The following MCTP2 variants were observed in gnomAD, a reference collection of about 807,000 sequenced individuals.
MCTP2 encodes multiple C2 and transmembrane domain containing 2.
In MCTP2, 132 loss-of-function variants were observed where a neutral mutation model predicts 111.6. That is an observed-to-expected ratio of 1.18 (90% CI 1.03 to 1.37). The LOEUF is 1.37. MCTP2 is among the 40% of genes most tolerant of loss of function. The pLI is 0.00. For missense variants in MCTP2, 1,183 were observed against 1,067.9 expected, an observed-to-expected ratio of 1.11 and a Z score of -1.50; for synonymous variants, 395 against 387.7, an observed-to-expected ratio of 1.02 and a Z score of -0.22.
chr15:94,234,849 A>ACCT (rs1463473831), intron 1 of MCTP2, among the ~76,000 whole-genome samples: 1 of 152,168 alleles, frequency 6.6e-6, no homozygotes, highest in Non-Finnish European at 1.5e-5. Context: ...ATAGGCTTGC[A>ACCT]TAGAGATGCC....
chr15:94,476,665 T>C (rs202073995), intron 21 of MCTP2, 31 bp from the exon 22 acceptor site: 171 of 1,067,038 alleles, frequency 1.6e-4, no homozygotes, highest in South Asian at 6.1e-4. Context: ...GACAGACAGA[T>C]AAAGAGATCT....
intron 1 of MCTP2, among the ~76,000 whole-genome samples, chr15:94,280,512 T>C (rs1185550716): frequency 6.6e-6 from 1 of 151,748 alleles, no homozygotes; most frequent in East Asian, 1.9e-4. Context: ...TTTTCTTCAT[T>C]AGTCTCACTA....
intron 1 of MCTP2, among the ~76,000 whole-genome samples, chr15:94,269,992 T>G (rs769564995): frequency 6.6e-6 from 1 of 152,102 alleles, no homozygotes; most frequent in Non-Finnish European, 1.5e-5. Context: ...CCAAGCAGAA[T>G]AAAATAACAG....
intron 1 of MCTP2, among the ~76,000 whole-genome samples, chr15:94,285,584 A>G (rs1489083362): frequency 6.6e-6 from 1 of 152,192 alleles, no homozygotes. Context: ...ATTTTATTGA[A>G]TTCATTCTGG....
At chr15:94,469,247 A>C (rs79410202) in intron 20 of MCTP2, among the ~76,000 whole-genome samples, 1,668 of 152,276 alleles carry the variant, frequency 0.011, 33 homozygotes, top group African/African-American at 0.038. Flanking sequence ...GACCATTAAG[A>C]AGAAATACTC....
chr15:94,397,159 A>G (rs545806583), intron 14 of MCTP2, among the ~76,000 whole-genome samples: 1 of 152,260 alleles, frequency 6.6e-6, no homozygotes, highest in African/African-American at 2.4e-5. Flanking sequence ...TAAGTCCCAA[A>G]CATGCATGGG....
intron 17 of MCTP2, among the ~76,000 whole-genome samples, chr15:94,426,691 G>A (rs950329351): frequency 6.6e-6 from 1 of 151,690 alleles, no homozygotes; most frequent in African/African-American, 2.4e-5. Flanking sequence ...TTGATTTTTG[G>A]TCATTGTTTT....
intron 1 of MCTP2, among the ~76,000 whole-genome samples, chr15:94,257,404 T>C (rs2072848698): frequency 6.6e-6 from 1 of 151,872 alleles, no homozygotes; most frequent in African/African-American, 2.4e-5. Flanking sequence ...ATTTTGAGGG[T>C]AGATGCTAGA....
chr15:94,273,804 T>C, intron 1 of MCTP2: 1 of 210,784 alleles, frequency 4.7e-6, no homozygotes, highest in South Asian at 1.0e-4. Flanking sequence ...AAGAAATATG[T>C]CCTCTACATT....
At position 94,399,016 on chromosome 15, in the gene MCTP2, C is replaced by T. The variant is rs148280078; in HGVS notation, c.1844C>T (p.Ala615Val). ...YVLKNKDLEQ[A>V]FKGVIYLEMD... ...CTAAAGAATAAAGATTTAGAACAAG[C>T]TTTTAAAGGAGTTATTTACTTAGAG... is the stretch of plus-strand genomic sequence containing the variant. Residue 615 changes from alanine (A) to valine (V), a missense_variant, in exon 15 of 23, where the codon GCT becomes GTT. Ala to Val is a moderately conservative substitution (Grantham distance 64). Coordinates refer to ENST00000357742, the MANE Select transcript of MCTP2 (RefSeq NM_001385001.1). 7.7e-5 allele frequency: 121 copies of T among 1,565,508 alleles called. No homozygotes were observed. The highest frequency in any genetic ancestry group is 1.0e-4 in the Non-Finnish European group (117 of 1,136,232).
At chr15:94,306,375 G>C (rs1285278573) in intron 2 of MCTP2, among the ~76,000 whole-genome samples, 1 of 152,156 alleles carries the variant, frequency 6.6e-6, no homozygotes, top group East Asian at 1.9e-4. Flanking sequence ...ATGACATGGA[G>C]GTTTGGAGAA....
At chr15:94,244,087 TATGTATAC>T (rs2071454448) in intron 1 of MCTP2, among the ~76,000 whole-genome samples, 3 of 54,770 alleles carry the variant, frequency 5.5e-5, no homozygotes, top group Non-Finnish European at 1.4e-4. Flanking sequence ...TATGCACACA[TATGTATAC>T]ACATACATAT....
chr15:94,400,971 TA>T (rs970873251), intron 16 of MCTP2, among the ~76,000 whole-genome samples: 2 of 152,192 alleles, frequency 1.3e-5, no homozygotes, highest in African/African-American at 4.8e-5. Context: ...TGTCTTATTT[TA>T]TTATTGTTAT....
chr15:94,300,757 G>A (rs1469864916), intron 2 of MCTP2, among the ~76,000 whole-genome samples: 2 of 152,136 alleles, frequency 1.3e-5, no homozygotes, highest in African/African-American at 4.8e-5. Context: ...GAGGGGATCA[G>A]TGTGTGGAAA....
intron 1 of MCTP2, among the ~76,000 whole-genome samples, chr15:94,246,348 C>T (rs530039782): frequency 7.2e-5 from 11 of 152,204 alleles, no homozygotes; most frequent in Admixed American, 7.2e-4. Flanking sequence ...TCAGTTTATT[C>T]GTCAGTGAAT....
chr15:94,306,202 G>T (rs1049425691), intron 2 of MCTP2, among the ~76,000 whole-genome samples: 2 of 152,210 alleles, frequency 1.3e-5, no homozygotes, highest in African/African-American at 4.8e-5. Flanking sequence ...TAGATAGGCA[G>T]AGAGTAATAC....
At chr15:94,418,006 C>T (rs939357685) in intron 17 of MCTP2, among the ~76,000 whole-genome samples, 11 of 152,122 alleles carry the variant, frequency 7.2e-5, no homozygotes, top group Admixed American at 7.2e-4. Context: ...CTGCTTTACT[C>T]TATCACTGCA....
intron 14 of MCTP2, among the ~76,000 whole-genome samples, chr15:94,398,467 A>G (rs1281826858): frequency 6.6e-6 from 1 of 152,222 alleles, no homozygotes; most frequent in Non-Finnish European, 1.5e-5. Flanking sequence ...TTACCTTGTG[A>G]TTAAACTCTG....
chr15:94,249,547 G>A (rs1241245117), intron 1 of MCTP2, among the ~76,000 whole-genome samples: 11 of 151,216 alleles, frequency 7.3e-5, no homozygotes, highest in African/African-American at 2.4e-4. Flanking sequence ...GTGCAGTGGC[G>A]CGATCTCAGC....
Sources: allele counts gnomAD v4.1 joint callset (sites outside exome capture counted in the v4.1 genomes callset), GRCh38; gene constraint gnomAD v4.1.1; transcripts MANE v1.5; gene names NCBI Gene and HGNC (gene_info 2026-07-23, HGNC 2026-07-21).